The following NBEA variants were observed in gnomAD, a reference collection of about 807,000 sequenced individuals.
NBEA encodes the protein lysosomal-trafficking regulator 2.
Under a neutral mutation model 343.4 loss-of-function variants are expected in NBEA, and 44 were observed. That is an observed-to-expected ratio of 0.13 (90% CI 0.10 to 0.16). The LOEUF (loss-of-function observed/expected upper bound fraction) is 0.16. Ranked by LOEUF, NBEA falls within the 10% of genes least tolerant of loss-of-function variation. The pLI is 1.00. For missense variants in NBEA, 2,555 were observed against 3,631.3 expected (o/e 0.70, Z 7.62); for synonymous variants, 1,175 against 1,238.7 (o/e 0.95, Z 1.08).
chr13:35,476,159 T>G, intron 41 of NBEA: 2 of 1,612,582 alleles, frequency 1.2e-6, no homozygotes, highest in Non-Finnish European at 1.7e-6. Context: ...AGATCCGGAT[T>G]GTACACCGGA....
At chr13:35,315,540 G>A (rs1365675961) in intron 36 of NBEA, among the ~76,000 whole-genome samples, 1 of 152,102 alleles carries the variant, frequency 6.6e-6, no homozygotes, top group Non-Finnish European at 1.5e-5. Flanking sequence ...CAGAATTTGA[G>A]TGATCTTTTT....
At chr13:35,246,058 C>T (rs915901500) in intron 34 of NBEA, among the ~76,000 whole-genome samples, 1 of 152,048 alleles carries the variant, frequency 6.6e-6, no homozygotes, top group Non-Finnish European at 1.5e-5. Context: ...TTTGTTTCTT[C>T]TGCATTTTCA....
intron 28 of NBEA, chr13:35,179,797 G>T (rs1197391348): frequency 2.0e-6 from 2 of 984,306 alleles, no homozygotes; most frequent in African/African-American, 3.5e-5. Flanking sequence ...ATCTGTTCTT[G>T]GTTGGTATCT....
At chr13:35,564,056 A>G (rs2080017070) in intron 44 of NBEA, among the ~76,000 whole-genome samples, 1 of 151,980 alleles carries the variant, frequency 6.6e-6, no homozygotes, top group South Asian at 2.1e-4. Context: ...CTCAAGCAGT[A>G]TCCTTTTCTT....
intron 41 of NBEA, among the ~76,000 whole-genome samples, chr13:35,534,724 G>C (rs1385103446): frequency 6.6e-6 from 1 of 152,138 alleles, no homozygotes; most frequent in Non-Finnish European, 1.5e-5. Context: ...GACACAAATA[G>C]AAAAGCTGGG....
At chr13:35,014,915 G>A (rs751766511) in intron 1 of NBEA, among the ~76,000 whole-genome samples, 11 of 151,710 alleles carry the variant, frequency 7.3e-5, no homozygotes, top group Non-Finnish European at 1.2e-4. Context: ...TTGGCTTCAG[G>A]CTCATCTGCA....
At chr13:35,504,464 T>A (rs1341180330) in intron 41 of NBEA, among the ~76,000 whole-genome samples, 1 of 152,192 alleles carries the variant, frequency 6.6e-6, no homozygotes, top group Non-Finnish European at 1.5e-5. Flanking sequence ...GACCGTTTTG[T>A]CTCATCTCAC....
At position 35,649,025 on chromosome 13, in the gene NBEA, A is replaced by T. The variant is rs188607025; in HGVS notation, c.7771-630A>T. Among the ~76,000 whole-genome samples, 546 of 151,228 alleles carry T rather than the reference A, an allele frequency of 3.6e-3. 2 individuals are homozygous for T. Among genetic ancestry groups the T allele is most frequent in the African/African-American group, 6.3e-3 (257 of 41,120 alleles). ...ATGTATCCTGGAACTTAAAATAATT[A>T]AAAAAAAAGAAGAAGAAGAAGAAAA... On this transcript the variant is annotated intron_variant, in intron 51 of 58. Transcript: ENST00000379939.
intron 11 of NBEA, among the ~76,000 whole-genome samples, chr13:35,100,117 A>G (rs545019876): frequency 2.0e-5 from 3 of 152,244 alleles, no homozygotes; most frequent in Admixed American, 1.3e-4. Flanking sequence ...TACATTTGAA[A>G]TATTATCAAT....
chr13:34,999,977 TTCTG>T (rs762636056), intron 1 of NBEA, among the ~76,000 whole-genome samples: 1 of 152,182 alleles, frequency 6.6e-6, no homozygotes, highest in African/African-American at 2.4e-5. Context: ...TCTATCTTCC[TTCTG>T]TCTGTCTACA....
intron 48 of NBEA, among the ~76,000 whole-genome samples, chr13:35,610,850 T>G (rs1421343261): frequency 6.6e-6 from 1 of 151,826 alleles, no homozygotes; most frequent in Non-Finnish European, 1.5e-5. Flanking sequence ...TCAATAAAAA[T>G]AAAACAATAT....
At chr13:35,478,624 G>C (rs2075986588) in intron 41 of NBEA, among the ~76,000 whole-genome samples, 1 of 152,200 alleles carries the variant, frequency 6.6e-6, no homozygotes, top group Non-Finnish European at 1.5e-5. Flanking sequence ...AACCTTACTT[G>C]GTGTCCCGGC....
At chr13:35,178,967 T>C (rs915351553) in intron 28 of NBEA, among the ~76,000 whole-genome samples, 2 of 151,622 alleles carry the variant, frequency 1.3e-5, no homozygotes, top group Non-Finnish European at 3.0e-5. Flanking sequence ...TCAGACGTAA[T>C]ATATAACATA....
At chr13:35,381,602 G>A (rs560978947) in intron 38 of NBEA, among the ~76,000 whole-genome samples, 5 of 152,150 alleles carry the variant, frequency 3.3e-5, no homozygotes, top group African/African-American at 9.6e-5. Context: ...AGTAGTTGAA[G>A]ATAAGACTGC....
chr13:35,624,046 GT>G (rs2083114885), intron 48 of NBEA, among the ~76,000 whole-genome samples: 10 of 113,918 alleles, frequency 8.8e-5, no homozygotes, highest in African/African-American at 4.1e-4. Context: ...ATATGCCTGT[GT>G]GTGTGTGGGT....
chr13:35,482,196 A>AT (rs1594776029), intron 41 of NBEA, among the ~76,000 whole-genome samples: 1 of 151,726 alleles, frequency 6.6e-6, no homozygotes, highest in Admixed American at 6.6e-5. Flanking sequence ...TGGAGTAATA[A>AT]TTTAAAAGGA....
At chr13:35,622,812 T>G (rs971645287) in intron 48 of NBEA, among the ~76,000 whole-genome samples, 5 of 152,206 alleles carry the variant, frequency 3.3e-5, no homozygotes, top group African/African-American at 1.2e-4. Flanking sequence ...TTAATATTCT[T>G]AAATTTTAAA....
chr13:35,460,859 G>A (rs1255401284), intron 40 of NBEA, among the ~76,000 whole-genome samples: 4 of 152,248 alleles, frequency 2.6e-5, no homozygotes, highest in Non-Finnish European at 5.9e-5. Flanking sequence ...CATGGAGACT[G>A]AGAAGTCCAA....
chr13:35,208,638 G>A, intron 31 of NBEA, 62 bp from the exon 32 acceptor site: 1 of 1,397,106 alleles, frequency 7.2e-7, no homozygotes, highest in Non-Finnish European at 9.6e-7. Context: ...ATCTGTTGCA[G>A]CAGGATTATA....
Sources: allele counts gnomAD v4.1 joint callset (sites outside exome capture counted in the v4.1 genomes callset), GRCh38; gene constraint gnomAD v4.1.1; transcripts MANE v1.5; gene names NCBI Gene and HGNC (gene_info 2026-07-23, HGNC 2026-07-21).